KYAT3: variants seen among roughly 807,000 people sequenced by gnomAD.
KYAT3 encodes the protein kynurenine aminotransferase 3, also known as kynurenine--oxoglutarate transaminase 3.
A neutral mutation model predicts 59.0 loss-of-function variants in KYAT3; 50 were observed. The ratio of observed to expected loss-of-function variants is 0.85; its 90% CI spans 0.68 to 1.07. The LOEUF (loss-of-function observed/expected upper bound fraction) is 1.07, where lower values mean the gene tolerates loss of function less well. Ranked by LOEUF, KYAT3 falls within the 50% of genes least tolerant of loss-of-function variation. KYAT3 has a pLI of 0.00. For missense variants in KYAT3, 497 were observed against 533.3 expected (o/e 0.93, Z 0.67); for synonymous variants, 148 against 177.0 (o/e 0.84, Z 1.30).
intron 2 of KYAT3, among the ~76,000 whole-genome samples, chr1:88,970,438 T>G (rs1676511985): frequency 6.6e-6 from 1 of 152,196 alleles, no homozygotes; most frequent in African/African-American, 2.4e-5. Flanking sequence ...GCTAGTAACA[T>G]TTAAACCCAA....
In KYAT3 at chr1:88,966,611, G is replaced by C. The variant is rs555848295; in HGVS notation, c.304-1633C>G. Reference sequence around the variant, plus strand: ...CTCAATTCATTTATTAGTTGTAGTAGGCTTTTTTTTCTTTTAGAATTCCTT... The same window carrying C: ...CTCAATTCATTTATTAGTTGTAGTACGCTTTTTTTTCTTTTAGAATTCCTT... On this transcript the variant is annotated intron_variant, in intron 4 of 13. Transcript: ENST00000260508. 3.2e-4 allele frequency among the ~76,000 whole-genome samples: 49 copies of C among 152,052 alleles called. 1 individual carries two copies. The highest frequency in any genetic ancestry group is 2.9e-3 in the Admixed American group (45 of 15,258).
At chr1:88,959,187 G>A (rs1676046350) in intron 8 of KYAT3, among the ~76,000 whole-genome samples, 2 of 151,912 alleles carry the variant, frequency 1.3e-5, no homozygotes, top group African/African-American at 4.8e-5. Context: ...GGCTGAGGTG[G>A]AAGGATTGCT....
At chr1:88,928,688 T>C in the KYAT3 span, among the ~76,000 whole-genome samples, 1 of 152,118 alleles carries the variant, frequency 6.6e-6, no homozygotes, top group African/African-American at 2.4e-5. Context: ...GCCCATGCCA[T>C]CACCCTCACA....
chr1:88,989,175 G>A (rs573483762), intron 1 of KYAT3, among the ~76,000 whole-genome samples: 1 of 152,228 alleles, frequency 6.6e-6, no homozygotes, highest in African/African-American at 2.4e-5. Flanking sequence ...ATGGCATGTC[G>A]TCTAACAGTT....
At chr1:88,971,570 T>A (rs1248605320) in intron 2 of KYAT3, among the ~76,000 whole-genome samples, 1 of 152,172 alleles carries the variant, frequency 6.6e-6, no homozygotes, top group Admixed American at 6.5e-5. Context: ...TTTTGTCACA[T>A]AGGATTGAGC....
intron 2 of KYAT3, among the ~76,000 whole-genome samples, chr1:88,974,467 CTCTTT>C (rs1173327933): frequency 3.2e-4 from 42 of 129,296 alleles, no homozygotes; most frequent in Non-Finnish European, 4.9e-4. Context: ...TGGTGTCTCT[CTCTTT>C]TTTTTTTTTT....
intron 2 of KYAT3, among the ~76,000 whole-genome samples, chr1:88,987,216 G>C (rs911533962): frequency 1.3e-5 from 2 of 152,142 alleles, no homozygotes; most frequent in African/African-American, 4.8e-5. Flanking sequence ...CCACAAATGA[G>C]GATTGTGCAC....
intron 2 of KYAT3, among the ~76,000 whole-genome samples, chr1:88,977,110 G>A (rs546556040): frequency 2.2e-4 from 34 of 152,316 alleles, no homozygotes; most frequent in African/African-American, 6.0e-4. Context: ...TGCCTCCCGG[G>A]TTCAAGCGAT....
intron 2 of KYAT3, chr1:88,982,555 T>G: frequency 6.9e-7 from 1 of 1,456,258 alleles, no homozygotes; most frequent in South Asian, 1.4e-5. Context: ...GTAACACAAT[T>G]TTTCCTTTTA....
intron 4 of KYAT3, 68 bp downstream of exon 4, chr1:88,968,602 C>A: frequency 8.0e-7 from 1 of 1,248,086 alleles, no homozygotes. Flanking sequence ...AGGGCACATG[C>A]ACACACACAG....
chr1:88,977,025 G>GT (rs1676814880), intron 2 of KYAT3, among the ~76,000 whole-genome samples: 1 of 151,960 alleles, frequency 6.6e-6, no homozygotes, highest in East Asian at 1.9e-4. Flanking sequence ...GTTCTGTTTT[G>GT]TTTTTTTGAG....
chr1:88,955,238 G>T lies in KYAT3; in HGVS notation c.788-13C>A, dbSNP rs993828211. Reference sequence around the variant, plus strand: ...CCTGGAAAAGTAGCTAAACAGAGGAGGAAAAAAGGGTAAATATTGTTTTCC... The same window carrying T: ...CCTGGAAAAGTAGCTAAACAGAGGATGAAAAAAGGGTAAATATTGTTTTCC... On this transcript the variant is annotated splice_polypyrimidine_tract_variant and intron_variant, in intron 8 of 13. Coordinates refer to ENST00000260508, the MANE Select transcript of KYAT3 (RefSeq NM_001008661.3). The T allele has an allele frequency of 1.3e-6, 2 of 1,497,970 alleles. No homozygotes were observed. Among genetic ancestry groups the T allele is most frequent in the Non-Finnish European group, 1.9e-6 (2 of 1,080,818 alleles). The allele number at this position is 1,497,970 out of a possible 1,614,324, so 92.8% of individuals were successfully genotyped here. A position where few individuals can be genotyped will look rare whatever the true frequency, so the allele number is the denominator to read the frequency against.
At chr1:88,939,913 A>G (rs1158863862) in intron 13 of KYAT3, among the ~76,000 whole-genome samples, 6 of 152,088 alleles carry the variant, frequency 3.9e-5, no homozygotes, top group Admixed American at 3.3e-4. Context: ...CTCATTTTAA[A>G]GGTTTTAAAT....
At chr1:88,980,423 G>C (rs1677026250) in intron 2 of KYAT3, 1 of 145,322 alleles carries the variant, frequency 6.9e-6, no homozygotes, top group Non-Finnish European at 1.5e-5. Context: ...ATAGATTTTG[G>C]ATTTTTTTTT....
intron 11 of KYAT3, among the ~76,000 whole-genome samples, chr1:88,946,308 C>T (rs1675439724): frequency 7.0e-6 from 1 of 143,002 alleles, no homozygotes; most frequent in African/African-American, 2.6e-5. Context: ...GCTTTCTTTC[C>T]CTCCTATGTG....
At chr1:88,983,527 T>G in intron 2 of KYAT3, 1 of 1,614,200 alleles carries the variant, frequency 6.2e-7, no homozygotes, top group Non-Finnish European at 8.5e-7. Flanking sequence ...CTCTACTTCT[T>G]GGAGGTGGGG....
the KYAT3 span, among the ~76,000 whole-genome samples, chr1:88,927,259 T>C: frequency 2.6e-5 from 4 of 152,146 alleles, no homozygotes; most frequent in Non-Finnish European, 5.9e-5. Flanking sequence ...TTCTGGAGAA[T>C]TGGGACCAAT....
rs532622830 is a variant in KYAT3, at chr1:88,990,138, G to A, written c.-1-1787C>T. On this transcript the variant is annotated intron_variant, in intron 1 of 13. Coordinates refer to ENST00000260508, the MANE Select transcript of KYAT3 (RefSeq NM_001008661.3). ...GTTTTTTCCTTCCCAGTATAATAAA[G>A]GAAATTACCCTCCTTTAAAAGGATC... 5.3e-5 allele frequency among the ~76,000 whole-genome samples: 8 copies of A among 152,106 alleles called. No homozygotes were observed. The South Asian group carries it at 1.7e-3, about 32-fold the overall frequency.
rs528720706 is a variant in KYAT3 at position 88,972,216 on chromosome 1, T to C, written c.100-2749A>G. On this transcript the variant is annotated intron_variant, in intron 2 of 13. Coordinates refer to ENST00000260508, the MANE Select transcript of KYAT3 (RefSeq NM_001008661.3). ...CTCTTCCTTGAGGACCTCAGTCTTT[T>C]CCTCTTAAGGTTTTCCACTGAATGA... Among the ~76,000 whole-genome samples the C allele has an allele frequency of 4.6e-5, 7 of 152,292 alleles. No individual in the cohort carries two copies. The East Asian group carries it at 1.2e-3, about 25-fold the overall frequency.
Sources: allele counts gnomAD v4.1 joint callset (sites outside exome capture counted in the v4.1 genomes callset), GRCh38; gene constraint gnomAD v4.1.1; transcripts MANE v1.5; gene names NCBI Gene and HGNC (gene_info 2026-07-23, HGNC 2026-07-21).